ASCC3: variants seen among roughly 807,000 people sequenced by gnomAD.
ASCC3 encodes the protein ASC-1 complex subunit P200.
A neutral mutation model predicts 256.3 loss-of-function variants in ASCC3; 158 were observed. The observed-to-expected ratio is 0.62, with a 90% CI of 0.54 to 0.70. ASCC3 has a LOEUF of 0.70. Ranked by LOEUF, ASCC3 falls within the 30% of genes least tolerant of loss-of-function variation. The pLI, the probability that ASCC3 is intolerant of heterozygous loss-of-function variation, is 0.00. For synonymous variants in ASCC3, 948 were observed against 883.4 expected (o/e 1.07, Z -1.30); for missense variants, 2,259 against 2,626.0 (o/e 0.86, Z 3.05).
chr6:100,643,549 T>G (rs530773448), intron 23 of ASCC3, among the ~76,000 whole-genome samples: 2 of 152,154 alleles, frequency 1.3e-5, no homozygotes, highest in African/African-American at 4.8e-5. Context: ...AAGAACATCA[T>G]AGTGTACGTA....
At chr6:100,797,295 CA>C (rs1367240870) in intron 8 of ASCC3, among the ~76,000 whole-genome samples, 3 of 151,384 alleles carry the variant, frequency 2.0e-5, no homozygotes, top group Non-Finnish European at 4.4e-5. Flanking sequence ...ACCAAAAATA[CA>C]AAAATTAGCT....
At chr6:100,574,128 T>C (rs116585750) in intron 36 of ASCC3, among the ~76,000 whole-genome samples, 1 of 152,208 alleles carries the variant, frequency 6.6e-6, no homozygotes, top group East Asian at 1.9e-4. Context: ...CTAGTATAAA[T>C]CTCCTTAAAA....
chr6:100,652,877 A>T lies in ASCC3; in HGVS notation c.2836T>A (p.Leu946Ile). The T allele has an allele frequency of 6.2e-7, 1 of 1,613,858 alleles. No individual in the cohort carries two copies. The highest frequency in any genetic ancestry group is 8.5e-7 in the Non-Finnish European group (1 of 1,179,890). The change falls in exon 18 of 42, where the codon TTA (leucine) becomes ATA (isoleucine). Residue 946 changes from leucine (L) to isoleucine (I), a missense_variant. By Grantham distance (5) the Leu-to-Ile change is conservative. This residue lies in a region of ASCC3 where 1,839 missense variants were observed against 2,206.7 expected (regional missense o/e 0.83). Transcript: ENST00000369162. ...SHKAYQIDPT[L>I]RKHREQLVIE... Reference sequence around the variant, plus strand: ...ACCAACTGTTCTCGATGCTTTCTTAATGTTGGGTCAATCTATGGCAAAAAA... The same window carrying T: ...ACCAACTGTTCTCGATGCTTTCTTATTGTTGGGTCAATCTATGGCAAAAAA...
At chr6:100,705,110 C>T (rs543254195) in intron 13 of ASCC3, among the ~76,000 whole-genome samples, 10 of 152,102 alleles carry the variant, frequency 6.6e-5, no homozygotes, top group East Asian at 3.9e-4. Flanking sequence ...AAGGCTGAAT[C>T]GCCAACTTTT....
At chr6:100,590,152 C>A (rs1355842104) in intron 34 of ASCC3, 93 bp from the exon 35 acceptor site, 9 of 859,004 alleles carry the variant, frequency 1.0e-5, no homozygotes, top group East Asian at 2.6e-5. Flanking sequence ...AAATATAATC[C>A]CCTTTTATTA....
At chr6:100,643,501 A>T (rs990658127) in intron 23 of ASCC3, among the ~76,000 whole-genome samples, 3 of 152,158 alleles carry the variant, frequency 2.0e-5, no homozygotes, top group African/African-American at 4.8e-5. Context: ...AATGACAGGA[A>T]TGGTTCTGAA....
intron 4 of ASCC3, 157 bp downstream of exon 4, chr6:100,847,991 G>A (rs939616755): frequency 2.2e-5 from 14 of 649,306 alleles, no homozygotes; most frequent in South Asian, 1.0e-4. Flanking sequence ...CATTAGGAAC[G>A]TATATACAGG....
chr6:100,673,351 T>C (rs1051370325), intron 14 of ASCC3, among the ~76,000 whole-genome samples: 1 of 152,142 alleles, frequency 6.6e-6, no homozygotes, highest in Non-Finnish European at 1.5e-5. Context: ...TTTATAACAT[T>C]ATTTATTAAT....
intron 2 of ASCC3, among the ~76,000 whole-genome samples, chr6:100,866,707 G>C (rs758509520): frequency 6.6e-6 from 1 of 152,188 alleles, no homozygotes; most frequent in Non-Finnish European, 1.5e-5. Flanking sequence ...TGAGGACACA[G>C]CAGGAAGGCT....
At chr6:100,768,380 A>G (rs1055175223) in intron 8 of ASCC3, among the ~76,000 whole-genome samples, 1 of 152,182 alleles carries the variant, frequency 6.6e-6, no homozygotes, top group Non-Finnish European at 1.5e-5. Context: ...TAAAAGGCCT[A>G]AAAGTAAGCA....
intron 38 of ASCC3, 50 bp downstream of exon 38, chr6:100,517,940 AT>A (rs772029187): frequency 3.2e-6 from 5 of 1,580,446 alleles, no homozygotes; most frequent in East Asian, 2.2e-5. Context: ...TATAAAAAAT[AT>A]TTTTTTGAAA....
chr6:100,687,455 G>A (rs1048879617), intron 13 of ASCC3, among the ~76,000 whole-genome samples: 1 of 151,950 alleles, frequency 6.6e-6, no homozygotes, highest in Non-Finnish European at 1.5e-5. Flanking sequence ...TCCACCTCCC[G>A]GGTTCAAGAG....
chr6:100,509,403 C>T lies in ASCC3; in HGVS notation c.6592G>A (p.Asp2198Asn). Residue 2198 changes from aspartate to asparagine, a missense_variant, in exon 42 of 42, where the codon GAC (aspartate) becomes AAC (asparagine). Physicochemically the swap from Asp to Asn is conservative, Grantham distance 23 (BLOSUM62 1). This residue lies in a region of ASCC3 where 1,839 missense variants were observed against 2,206.7 expected (regional missense o/e 0.83). Transcript: ENST00000369162. ...AGGTCAAGTTACTTTAATGCCAGGT[C>T]AGTCAGGGAATCAGAGACCTTGGTG... Reference protein sequence around the residue: ...VNTKVSDSLTDLALK With the variant: ...VNTKVSDSLTNLALK The T allele has an allele frequency of 6.2e-7, 1 of 1,614,156 alleles. No individual in the cohort carries two copies. The highest frequency in any genetic ancestry group is 1.3e-5 in the African/African-American group (1 of 75,046).
chr6:100,686,532 A>C (rs1230989336), intron 13 of ASCC3, among the ~76,000 whole-genome samples: 1 of 152,164 alleles, frequency 6.6e-6, no homozygotes, highest in Non-Finnish European at 1.5e-5. Context: ...TGAAGATCTC[A>C]CATCAGTATA....
At chr6:100,757,317 A>G (rs960195079) in intron 10 of ASCC3, among the ~76,000 whole-genome samples, 2 of 152,054 alleles carry the variant, frequency 1.3e-5, no homozygotes, top group African/African-American at 4.8e-5. Context: ...ACAAGACAAC[A>G]CTAGAATTGA....
chr6:100,805,749 T>C lies in ASCC3; in HGVS notation c.922+11A>G, dbSNP rs144950958. 4.3e-6 allele frequency: 7 copies of C among 1,609,618 alleles called. No individual in the cohort carries two copies. Among genetic ancestry groups the C allele is most frequent in the East Asian group, 2.2e-5 (1 of 44,678 alleles). On this transcript the variant is annotated intron_variant, in intron 5 of 41. Transcript: ENST00000369162. ...CCTTTAAATTACAATGACCACTGCA[T>C]ACTTTCTTACCTTGAAGAGCCTGAA...
chr6:100,697,589 T>C (rs1562233899), intron 13 of ASCC3, among the ~76,000 whole-genome samples: 1 of 152,050 alleles, frequency 6.6e-6, no homozygotes, highest in Non-Finnish European at 1.5e-5. Context: ...ACTACTTGTT[T>C]TGCTTCCAAT....
chr6:100,765,855 A>G (rs929038719), intron 10 of ASCC3, among the ~76,000 whole-genome samples: 1 of 152,214 alleles, frequency 6.6e-6, no homozygotes, highest in Admixed American at 6.5e-5. Flanking sequence ...ACGTCTGCCC[A>G]TTGTTTAAAA....
chr6:100,728,226 A>C, intron 10 of ASCC3, among the ~76,000 whole-genome samples: 1 of 152,082 alleles, frequency 6.6e-6, no homozygotes, highest in East Asian at 1.9e-4. Context: ...TAATAAAAAA[A>C]CACAAAAAAG....
Sources: allele counts gnomAD v4.1 joint callset (sites outside exome capture counted in the v4.1 genomes callset), GRCh38; gene constraint gnomAD v4.1.1; regional missense constraint gnomAD v4.1.1; transcripts MANE v1.5; gene names NCBI Gene and HGNC (gene_info 2026-07-23, HGNC 2026-07-21).